BNC2: variants seen among roughly 807,000 people sequenced by gnomAD.
BNC2 encodes basonuclin zinc finger protein 2.
Under a neutral mutation model 76.3 loss-of-function variants are expected in BNC2, and 20 were observed. That is an observed-to-expected ratio of 0.26 (90% CI 0.18 to 0.38). BNC2 has a LOEUF of 0.38. Ranked by LOEUF, BNC2 falls within the 10% of genes least tolerant of loss-of-function variation. BNC2 has a pLI of 1.00. For missense variants in BNC2, 1,382 were observed against 1,399.8 expected, an observed-to-expected ratio of 0.99 and a Z score of 0.20; for synonymous variants, 582 against 514.8, an observed-to-expected ratio of 1.13 and a Z score of -1.77.
rs1437119168 is a variant in BNC2 at position 16,498,276 on chromosome 9, C to G, written c.669+54254G>C. Among the ~76,000 whole-genome samples, 3 of 108,796 alleles carry G rather than the reference C, an allele frequency of 2.8e-5. No individual in the cohort carries two copies. The East Asian group carries it at 9.3e-4, about 34-fold the overall frequency. The allele number at this position is 108,796 out of a possible 152,430, so 71.4% of individuals were successfully genotyped here. On this transcript the variant is annotated intron_variant, in intron 5 of 6. Coordinates refer to ENST00000380672, the MANE Select transcript of BNC2 (RefSeq NM_017637.6). ...ATATTCCATCATATATATATTCCATCATATATATATATATTCCATCATATA... is the reference window on the plus strand; with the variant it reads ...ATATTCCATCATATATATATTCCATGATATATATATATATTCCATCATATA...
intron 5 of BNC2, among the ~76,000 whole-genome samples, chr9:16,518,544 G>A (rs1213399487): frequency 1.3e-5 from 2 of 152,068 alleles, no homozygotes; most frequent in East Asian, 3.9e-4. Context: ...CATGAGATTT[G>A]GGATGTACAG....
At chr9:16,715,454 T>A (rs1012388104) in intron 3 of BNC2, among the ~76,000 whole-genome samples, 7 of 152,242 alleles carry the variant, frequency 4.6e-5, no homozygotes, top group African/African-American at 1.4e-4. Flanking sequence ...ATTATCTTCA[T>A]CCATTAAAAT....
chr9:16,623,165 A>C (rs777914862), intron 3 of BNC2, among the ~76,000 whole-genome samples: 3 of 152,156 alleles, frequency 2.0e-5, no homozygotes, highest in Non-Finnish European at 4.4e-5. Context: ...TGGACATGTA[A>C]GACACACATG....
At chr9:16,608,241 A>G (rs1327064258) in intron 3 of BNC2, among the ~76,000 whole-genome samples, 1 of 152,150 alleles carries the variant, frequency 6.6e-6, no homozygotes, top group African/African-American at 2.4e-5. Context: ...GTAACAACTG[A>G]ATGGTACTAC....
At chr9:16,470,461 A>T (rs956942496) in intron 5 of BNC2, among the ~76,000 whole-genome samples, 1 of 152,228 alleles carries the variant, frequency 6.6e-6, no homozygotes, top group Admixed American at 6.5e-5. Flanking sequence ...GAACATGGGG[A>T]AAATGTCTCC....
At chr9:16,695,533 T>TAC (rs1297971935) in intron 3 of BNC2, among the ~76,000 whole-genome samples, 2 of 87,516 alleles carry the variant, frequency 2.3e-5, no homozygotes, top group Non-Finnish European at 2.6e-5. Flanking sequence ...TTCTTTTTCT[T>TAC]TCTTTTTTTT....
chr9:16,626,592 T>C (rs1820999061), intron 3 of BNC2, among the ~76,000 whole-genome samples: 1 of 152,076 alleles, frequency 6.6e-6, no homozygotes. Context: ...TAGTATTGGA[T>C]TCAGAAGCCC....
At chr9:16,792,385 C>G (rs1237125370) in intron 1 of BNC2, among the ~76,000 whole-genome samples, 1 of 152,198 alleles carries the variant, frequency 6.6e-6, no homozygotes, top group Non-Finnish European at 1.5e-5. Flanking sequence ...AACTTATCTG[C>G]TTTCCTCAGA....
At chr9:16,623,161 T>C (rs556118074) in intron 3 of BNC2, among the ~76,000 whole-genome samples, 2 of 152,262 alleles carry the variant, frequency 1.3e-5, no homozygotes, top group South Asian at 4.1e-4. Flanking sequence ...TTGTTGGACA[T>C]GTAAGACACA....
intron 1 of BNC2, among the ~76,000 whole-genome samples, chr9:16,788,891 T>TTGAAACAAATG (rs1554731723): frequency 6.6e-6 from 1 of 152,122 alleles, no homozygotes; most frequent in African/African-American, 2.4e-5. Context: ...CCCACCTTAG[T>TTGAAACAAATG]TGAAACGAAT....
At chr9:16,471,065 G>A (rs1821813490) in intron 5 of BNC2, among the ~76,000 whole-genome samples, 1 of 152,160 alleles carries the variant, frequency 6.6e-6, no homozygotes, top group Non-Finnish European at 1.5e-5. Context: ...GGGCGGAGCT[G>A]CCCAAGACCA....
chr9:16,616,820 AAAGG>A (rs1554689414), intron 3 of BNC2, among the ~76,000 whole-genome samples: 1 of 129,046 alleles, frequency 7.7e-6, no homozygotes, highest in South Asian at 2.9e-4. Context: ...AGGAAGGAAG[AAAGG>A]AAGGAAGGAA....
chr9:16,546,138 A>ATTTTT (rs1243377643), intron 5 of BNC2, among the ~76,000 whole-genome samples: 1 of 152,238 alleles, frequency 6.6e-6, no homozygotes, highest in Non-Finnish European at 1.5e-5. Context: ...AGTTAACTTT[A>ATTTTT]CACATAGATA....
At chr9:16,499,521 TTTTTTTTTC>T (rs1175388143) in intron 5 of BNC2, among the ~76,000 whole-genome samples, 6 of 83,776 alleles carry the variant, frequency 7.2e-5, no homozygotes, top group African/African-American at 1.5e-4. Flanking sequence ...CCTAAATATC[TTTTTTTTTC>T]TTTTTTTTTT....
chr9:16,698,187 C>T (rs1024110464), intron 3 of BNC2, among the ~76,000 whole-genome samples: 1 of 152,174 alleles, frequency 6.6e-6, no homozygotes, highest in African/African-American at 2.4e-5. Flanking sequence ...CTGCACAGAA[C>T]AGATTTGCCA....
At chr9:16,711,998 G>A (rs1163917740) in intron 3 of BNC2, among the ~76,000 whole-genome samples, 1 of 152,146 alleles carries the variant, frequency 6.6e-6, no homozygotes, top group Non-Finnish European at 1.5e-5. Flanking sequence ...CAAAATACAT[G>A]GATAAGTGAA....
intron 1 of BNC2, among the ~76,000 whole-genome samples, chr9:16,781,476 G>A (rs1826153196): frequency 6.6e-6 from 1 of 152,218 alleles, no homozygotes; most frequent in African/African-American, 2.4e-5. Flanking sequence ...CCGAGCAGCT[G>A]GGACTACAGG....
intron 5 of BNC2, among the ~76,000 whole-genome samples, chr9:16,449,767 T>C (rs1259886292): frequency 2.2e-5 from 3 of 138,628 alleles, no homozygotes; most frequent in Non-Finnish European, 4.5e-5. Flanking sequence ...TGGAATTTAG[T>C]AGTGGAATCA....
chr9:16,692,231 T>C (rs993560114), intron 3 of BNC2, among the ~76,000 whole-genome samples: 2 of 152,232 alleles, frequency 1.3e-5, no homozygotes, highest in African/African-American at 2.4e-5. Context: ...GGCAAATACA[T>C]TGTCAACTCT....
Sources: gnomAD v4.1 joint callset for allele counts (sites outside exome capture counted in the v4.1 genomes callset) on GRCh38, gnomAD v4.1.1 for gene constraint, MANE v1.5 for transcripts, NCBI Gene and HGNC (gene_info 2026-07-23, HGNC 2026-07-21) for gene names.